The following PKHD1 variants were observed in gnomAD, a reference collection of about 807,000 sequenced individuals.
The protein encoded by PKHD1 is PKHD1 ciliary IPT domain containing fibrocystin/polyductin.
A neutral mutation model predicts 412.0 loss-of-function variants in PKHD1; 291 were observed. The ratio of observed to expected loss-of-function variants is 0.71; its 90% confidence interval spans 0.64 to 0.78. PKHD1 has a LOEUF of 0.78. PKHD1 is among the 30% of genes least tolerant of loss of function. PKHD1 has a pLI of 0.00. For missense variants in PKHD1, 4,825 were observed against 4,950.7 expected (o/e 0.97, Z 0.76); for synonymous variants, 1,777 against 1,821.5 (o/e 0.98, Z 0.62).
At chr6:51,995,765 C>T (rs1002992548) in intron 35 of PKHD1, among the ~76,000 whole-genome samples, 9 of 152,156 alleles carry the variant, frequency 5.9e-5, no homozygotes, top group East Asian at 3.8e-4. Flanking sequence ...GTACATTCTA[C>T]GAGGTAGGAG....
chr6:51,863,291 C>T (rs180737919), intron 48 of PKHD1, among the ~76,000 whole-genome samples: 274 of 152,186 alleles, frequency 1.8e-3, no homozygotes, highest in African/African-American at 6.5e-3. Flanking sequence ...CCTGTAAAAA[C>T]TCAGAAGGAC....
intron 3 of PKHD1, among the ~76,000 whole-genome samples, chr6:52,082,778 A>G (rs1173257535): frequency 6.6e-6 from 1 of 152,208 alleles, no homozygotes; most frequent in African/African-American, 2.4e-5. Context: ...TTCAGCCCTC[A>G]GATTTACTCT....
intron 52 of PKHD1, among the ~76,000 whole-genome samples, chr6:51,793,460 T>C (rs991243544): frequency 6.6e-6 from 1 of 152,190 alleles, no homozygotes; most frequent in Non-Finnish European, 1.5e-5. Context: ...ATCCCATCAC[T>C]AAGGTATTAA....
intron 53 of PKHD1, among the ~76,000 whole-genome samples, chr6:51,778,597 C>G (rs1195523596): frequency 6.6e-6 from 1 of 151,930 alleles, no homozygotes; most frequent in Non-Finnish European, 1.5e-5. Flanking sequence ...ACAATGTGTT[C>G]CAGATGCTAA....
intron 60 of PKHD1, among the ~76,000 whole-genome samples, chr6:51,676,461 ATT>A (rs1411791130): frequency 6.6e-6 from 1 of 152,092 alleles, no homozygotes; most frequent in African/African-American, 2.4e-5. Context: ...TCCCTCAATA[ATT>A]TTTTTAGCCA....
At position 52,079,098 on chromosome 6, in the gene PKHD1, G is replaced by A. The variant is rs535935531; in HGVS notation, c.390+802C>T. The stretch of plus-strand genomic sequence containing the variant: ...TAAACAGAGGTACCCCATGTGAAGG[G>A]CAACCACATCGACAGGAGTACCGCC... On this transcript the variant is annotated intron_variant, in intron 5 of 66. Transcript: ENST00000371117. Among the ~76,000 whole-genome samples, 151 of 152,316 alleles carry A rather than the reference G, an allele frequency of 9.9e-4. 1 individual carries two copies. Among genetic ancestry groups the A allele is most frequent in the African/African-American group, 3.4e-3 (143 of 41,570 alleles).
At chr6:51,746,328 A>G (rs1048451895) in intron 59 of PKHD1, among the ~76,000 whole-genome samples, 1 of 152,326 alleles carries the variant, frequency 6.6e-6, no homozygotes, top group Admixed American at 6.5e-5. Flanking sequence ...TGAAGAATGA[A>G]GAATTAGAGT....
intron 36 of PKHD1, among the ~76,000 whole-genome samples, chr6:51,952,122 T>C (rs773039552): frequency 2.0e-5 from 3 of 152,170 alleles, no homozygotes; most frequent in Non-Finnish European, 4.4e-5. Context: ...CAATGGCTTA[T>C]CTTTCATTTA....
intron 33 of PKHD1, 152 bp from the exon 34 acceptor site, chr6:52,017,781 T>C: frequency 1.5e-6 from 1 of 649,498 alleles, no homozygotes; most frequent in Non-Finnish European, 2.8e-6. Context: ...ATATGTGTAA[T>C]GTACACAGAA....
intron 25 of PKHD1, 114 bp from the exon 26 acceptor site, chr6:52,043,844 T>A: frequency 2.8e-6 from 2 of 706,202 alleles, no homozygotes; most frequent in South Asian, 3.2e-5. Flanking sequence ...TCGCTAATTC[T>A]TATTCCTTTT....
chr6:51,866,291 G>A (rs375361203), intron 48 of PKHD1, among the ~76,000 whole-genome samples: 1 of 152,240 alleles, frequency 6.6e-6, no homozygotes, highest in South Asian at 2.1e-4. Flanking sequence ...GATGACTGAG[G>A]AAGTTTCCAG....
chr6:52,043,580 A>G, intron 26 of PKHD1, 45 bp downstream of exon 26: 1 of 1,356,180 alleles, frequency 7.4e-7, no homozygotes, highest in Non-Finnish European at 1.1e-6. Context: ...AATCACTGCA[A>G]GTCTCCGGCT....
At chr6:51,780,396 A>G (rs955967660) in intron 53 of PKHD1, among the ~76,000 whole-genome samples, 8 of 152,102 alleles carry the variant, frequency 5.3e-5, no homozygotes, top group Non-Finnish European at 7.4e-5. Context: ...CAAAGAAAAA[A>G]AAAAAAGAAA....
chr6:52,022,973 T>A lies in PKHD1; in HGVS notation c.5237-29A>T, dbSNP rs771631663. 7 of 1,613,682 alleles carry A rather than the reference T, an allele frequency of 4.3e-6. No individual in the cohort carries two copies. In the South Asian group the frequency reaches 7.7e-5, roughly 18 times the overall value. The stretch of plus-strand genomic sequence containing the variant: ...TAAAGACAAAGGTACAAGTTCTTGA[T>A]CATACAGGCAAATCTCCCTTCTTTA... On this transcript the variant is annotated intron_variant, in intron 32 of 66. Coordinates refer to ENST00000371117, the MANE Select transcript of PKHD1 (RefSeq NM_138694.4).
chr6:51,907,445 A>T (rs1323187608), intron 40 of PKHD1, among the ~76,000 whole-genome samples: 1 of 152,102 alleles, frequency 6.6e-6, no homozygotes, highest in African/African-American at 2.4e-5. Flanking sequence ...TTCTGTAGCA[A>T]ACACTGCCCA....
In PKHD1 at chr6:52,055,649, G is replaced by A. The variant is rs779050294; in HGVS notation, c.1774C>T (p.Arg592Ter). ...FCGRFSLRQP[R>*]HLVLTPPAAQ... is the part of the protein sequence containing the mutation. ...GCCGGGGGAGTAAGGACAAGGTGTC[G>A]AGGCTGACGGAGGCTGAACCTGCCA... The change falls in exon 19 of 67, where the codon CGA (arginine) becomes TGA (stop). Residue 592 changes from arginine (R) to a stop codon, truncating the protein, a stop_gained. Coordinates refer to ENST00000371117, the MANE Select transcript of PKHD1 (RefSeq NM_138694.4). LOFTEE classifies it high-confidence loss of function. 3.7e-6 allele frequency: 6 copies of A among 1,613,554 alleles called. No individual in the cohort carries two copies. The highest frequency in any genetic ancestry group is 2.7e-5 in the African/African-American group (2 of 74,906).
intron 60 of PKHD1, among the ~76,000 whole-genome samples, chr6:51,691,235 G>A (rs1006814942): frequency 1.3e-5 from 2 of 152,144 alleles, no homozygotes; most frequent in African/African-American, 4.8e-5. Context: ...AGCCATTGTG[G>A]AAGACAGTGT....
intron 60 of PKHD1, among the ~76,000 whole-genome samples, chr6:51,729,243 A>G (rs1782953777): frequency 6.6e-6 from 1 of 152,242 alleles, no homozygotes; most frequent in Non-Finnish European, 1.5e-5. Flanking sequence ...AAATTCAGTC[A>G]TACTGGAAGT....
chr6:52,027,695 G>A, intron 31 of PKHD1, 134 bp downstream of exon 31: 2 of 720,210 alleles, frequency 2.8e-6, no homozygotes, highest in East Asian at 2.7e-5. Flanking sequence ...CTCAGTTCCT[G>A]GAGCCCGAGG....
Sources: gnomAD v4.1 joint callset for allele counts (sites outside exome capture counted in the v4.1 genomes callset) on GRCh38, gnomAD v4.1.1 for gene constraint, MANE v1.5 for transcripts, NCBI Gene and HGNC (gene_info 2026-07-23, HGNC 2026-07-21) for gene names.